The following PPFIA1 variants were observed in gnomAD, a reference collection of about 807,000 sequenced individuals.
PPFIA1 encodes the protein PPFI scaffold protein A1, also known as liprin-alpha-1.
A neutral mutation model predicts 149.9 loss-of-function variants in PPFIA1; 25 were observed. The observed-to-expected ratio is 0.17, with a 90% CI of 0.12 to 0.23. PPFIA1 has a LOEUF of 0.23. PPFIA1 is among the 10% of genes least tolerant of loss of function. The probability of loss-of-function intolerance (pLI) is 1.00; values close to 1 mark genes in which losing one functional copy is unlikely to be tolerated. For missense variants in PPFIA1, 1,362 were observed against 1,506.5 expected (o/e 0.90, Z 1.59); for synonymous variants, 549 against 552.8 (o/e 0.99, Z 0.10).
At chr11:70,277,060 A>ATATATATATTT in intron 2 of PPFIA1, among the ~76,000 whole-genome samples, 2 of 66,326 alleles carry the variant, frequency 3.0e-5, no homozygotes, top group African/African-American at 2.3e-4. Flanking sequence ...ATATATATAT[A>ATATATATATTT]TTTTTTTTTT....
intron 2 of PPFIA1, among the ~76,000 whole-genome samples, chr11:70,317,519 A>G (rs2053705897): frequency 6.6e-6 from 1 of 152,224 alleles, no homozygotes; most frequent in Non-Finnish European, 1.5e-5. Context: ...TATATTGGGA[A>G]TACTTACATT....
Position 70,376,513 on chromosome 11 carries a change from T to A in PPFIA1, c.3316-19T>A. ...TAGATTTGATGAAAGTTTTATTTGT[T>A]TTTCTTTGGTTATTTCAGGCTCGTG... On this transcript the variant is annotated intron_variant, in intron 24 of 27. Coordinates refer to ENST00000253925, the MANE Select transcript of PPFIA1 (RefSeq NM_003626.5). 1 of 1,605,672 alleles carries A rather than the reference T, an allele frequency of 6.2e-7. No individual in the cohort carries two copies. Among genetic ancestry groups the A allele is most frequent in the Non-Finnish European group, 8.5e-7 (1 of 1,172,600 alleles).
At chr11:70,329,040 T>C (rs778441823) in intron 7 of PPFIA1, among the ~76,000 whole-genome samples, 3 of 152,216 alleles carry the variant, frequency 2.0e-5, no homozygotes, top group African/African-American at 2.4e-5. Flanking sequence ...ATTAAACTGG[T>C]ACTTCTGTTT....
At chr11:70,337,319 T>G (rs117112766) in intron 11 of PPFIA1, 46 bp from the exon 12 acceptor site, 25,626 of 1,345,026 alleles carry the variant, frequency 0.019, 312 homozygotes, top group African/African-American at 0.034. Flanking sequence ...TATATTTAAA[T>G]GGGACATTTT....
intron 26 of PPFIA1, among the ~76,000 whole-genome samples, chr11:70,380,729 C>G (rs2057680348): frequency 7.0e-6 from 1 of 143,274 alleles, no homozygotes; most frequent in South Asian, 2.2e-4. Context: ...GAGCAAAACT[C>G]TGTCTCAAAA....
intron 21 of PPFIA1, chr11:70,366,093 A>G: frequency 2.7e-6 from 1 of 369,442 alleles, no homozygotes; most frequent in Middle Eastern, 4.1e-4. Flanking sequence ...GGAGTACAGG[A>G]TTGTTAATGA....
At chr11:70,285,750 T>C (rs2051069141) in intron 2 of PPFIA1, among the ~76,000 whole-genome samples, 1 of 151,980 alleles carries the variant, frequency 6.6e-6, no homozygotes. Context: ...TTTTTAATTA[T>C]CATATACATA....
intron 2 of PPFIA1, among the ~76,000 whole-genome samples, chr11:70,310,686 A>G (rs979156067): frequency 2.6e-5 from 4 of 152,210 alleles, no homozygotes; most frequent in African/African-American, 7.2e-5. Context: ...ACCCGGCCCC[A>G]TGTACTTTTC....
chr11:70,324,212 C>T (rs1349231068), intron 2 of PPFIA1, among the ~76,000 whole-genome samples, 190 bp from the exon 3 acceptor site: 1 of 152,194 alleles, frequency 6.6e-6, no homozygotes, highest in African/African-American at 2.4e-5. Flanking sequence ...GTCAGATGGT[C>T]TGTCAGTGTT....
In PPFIA1 at chr11:70,339,075, G is replaced by T; in HGVS notation, c.1572-96G>T. ...CTCCCTGGAGACCCTTTCCTGTGTG[G>T]AATAACTTTTCCAAATTGATAGATT... On this transcript the variant is annotated intron_variant, in intron 13 of 27. Transcript: ENST00000253925. 3.4e-6 allele frequency: 5 copies of T among 1,458,936 alleles called. No homozygotes were observed. In the South Asian group the frequency reaches 6.4e-5, roughly 19 times the overall value. The allele number at this position is 1,458,936 out of a possible 1,614,324, so 90.4% of individuals were successfully genotyped here.
chr11:70,326,350 G>A lies in PPFIA1; in HGVS notation c.695G>A (p.Ser232Asn). 1 of 1,600,448 alleles carries A rather than the reference G, an allele frequency of 6.2e-7. No homozygotes were observed. Among genetic ancestry groups the A allele is most frequent in the Non-Finnish European group, 8.5e-7 (1 of 1,169,606 alleles). The change falls in exon 6 of 28, where the codon AGC (serine) becomes AAC (asparagine). Residue 232 changes from serine (S) to asparagine (N), a missense_variant. Physicochemically the swap from Ser to Asn is conservative, Grantham distance 46 (BLOSUM62 1). This residue lies in a region of PPFIA1 where 733 missense variants were observed against 744.1 expected (regional missense o/e 0.99). Transcript: ENST00000253925. ...DINHEQENTP[S>N]TSGKRSSDGS... ...AACCATGAACAAGAAAATACACCAAGCACGAGTGGAAAGGCAAGTCTGTAG... is the reference window on the plus strand; with the variant it reads ...AACCATGAACAAGAAAATACACCAAACACGAGTGGAAAGGCAAGTCTGTAG...
intron 2 of PPFIA1, chr11:70,284,010 A>G (rs765265650): frequency 9.4e-6 from 5 of 532,870 alleles, no homozygotes; most frequent in Non-Finnish European, 1.9e-5. Context: ...ATTTTGCTTT[A>G]CTTTTAATGG....
chr11:70,351,769 G>A (rs2056069914), intron 16 of PPFIA1, among the ~76,000 whole-genome samples: 1 of 152,186 alleles, frequency 6.6e-6, no homozygotes, highest in Non-Finnish European at 1.5e-5. Context: ...AGTGCACAGT[G>A]CAGATTTGAG....
rs762541792 is a variant in PPFIA1, at chr11:70,348,404, T to C, written c.2147T>C (p.Leu716Pro). 3 of 1,610,746 alleles carry C rather than the reference T, an allele frequency of 1.9e-6. No homozygotes were observed. The South Asian group carries it at 3.3e-5, about 18-fold the overall frequency. The change falls in exon 16 of 28, where the codon CTG becomes CCG. Residue 716 changes from leucine to proline, a missense_variant. Physicochemically the swap from Leu to Pro is moderately conservative, Grantham distance 98 (BLOSUM62 -3). This residue lies in a region of PPFIA1 where 733 missense variants were observed against 744.1 expected (regional missense o/e 0.99). Coordinates refer to ENST00000253925, the MANE Select transcript of PPFIA1 (RefSeq NM_003626.5). The stretch of plus-strand genomic sequence containing the variant: ...AGCCCAGCTCGGGAAGTGGACAGAC[T>C]GGGCGTCATGACCCTTGTACGTATC... ...PHSPAREVDRLGVMTLLPPSR... is the reference protein window; with the variant it reads ...PHSPAREVDRPGVMTLLPPSR...
At chr11:70,377,170 C>T (rs1030571340) in intron 25 of PPFIA1, among the ~76,000 whole-genome samples, 8 of 151,892 alleles carry the variant, frequency 5.3e-5, no homozygotes, top group Admixed American at 5.2e-4. Context: ...TTTTGACATC[C>T]CTCAAAAATG....
chr11:70,365,750 G>A (rs544678427), intron 21 of PPFIA1: 78 of 359,632 alleles, frequency 2.2e-4, no homozygotes, highest in African/African-American at 1.5e-3. Context: ...TGCTTGGCAC[G>A]GAGAGAGTCT....
chr11:70,364,621 T>C (rs2056825817), intron 21 of PPFIA1: 1 of 152,222 alleles, frequency 6.6e-6, no homozygotes, highest in South Asian at 2.1e-4. Context: ...TGATGAACAA[T>C]AAGCTTTGTC....
chr11:70,347,950 C>G (rs998652103), intron 15 of PPFIA1, among the ~76,000 whole-genome samples: 3 of 152,180 alleles, frequency 2.0e-5, no homozygotes, highest in Admixed American at 2.0e-4. Flanking sequence ...TTGCAGTGAG[C>G]CGAGATCGCG....
intron 2 of PPFIA1, among the ~76,000 whole-genome samples, chr11:70,294,697 G>C (rs1240246819): frequency 6.6e-6 from 1 of 151,928 alleles, no homozygotes; most frequent in Non-Finnish European, 1.5e-5. Flanking sequence ...AGAGGTCCCT[G>C]TGGCCTTCCG....
Sources: allele counts gnomAD v4.1 joint callset (sites outside exome capture counted in the v4.1 genomes callset), GRCh38; gene constraint gnomAD v4.1.1; regional missense constraint gnomAD v4.1.1; transcripts MANE v1.5; gene names NCBI Gene and HGNC (gene_info 2026-07-23, HGNC 2026-07-21).